FAM83B: variants seen among roughly 807,000 people sequenced by gnomAD.
FAM83B encodes the protein protein FAM83B.
A neutral mutation model predicts 38.8 loss-of-function variants in FAM83B; 26 were observed. The ratio of observed to expected loss-of-function variants is 0.67; its 90% confidence interval spans 0.49 to 0.93. The LOEUF (loss-of-function observed/expected upper bound fraction) is 0.93, where lower values mean the gene tolerates loss of function less well. Ranked by LOEUF, FAM83B falls within the 40% of genes least tolerant of loss-of-function variation. The pLI is 0.00. For synonymous variants in FAM83B, 419 were observed against 423.1 expected (o/e 0.99, Z 0.12); for missense variants, 1,237 against 1,197.3 (o/e 1.03, Z -0.49).
chr6:54,937,094 T>G (rs1270160081), intron 4 of FAM83B, among the ~76,000 whole-genome samples: 2 of 151,626 alleles, frequency 1.3e-5, no homozygotes, highest in African/African-American at 4.8e-5. Flanking sequence ...GCATTTTTAT[T>G]GTCTCCTTTA....
At chr6:54,913,250 A>C (rs1381601625) in intron 2 of FAM83B, among the ~76,000 whole-genome samples, 1 of 152,040 alleles carries the variant, frequency 6.6e-6, no homozygotes, top group African/African-American at 2.4e-5. Context: ...GAGAAATGTG[A>C]AACACCTCAC....
chr6:54,890,954 G>GA lies in FAM83B; in HGVS notation c.444+20275dup, dbSNP rs200718638. Among the ~76,000 whole-genome samples the GA allele has an allele frequency of 5.1e-4, 74 of 145,052 alleles. No homozygotes were observed. The Middle Eastern group carries it at 0.014, about 28-fold the overall frequency. The stretch of plus-strand genomic sequence containing the variant: ...ACTTCTAATTTGCTTTCTTCAGAGA[G>GA]AAAAAAAAAAATAAAGTTGTGATCT... On this transcript the variant is annotated intron_variant, in intron 2 of 4. Coordinates refer to ENST00000306858, the MANE Select transcript of FAM83B (RefSeq NM_001010872.3).
rs1183318257 is a variant in FAM83B, at chr6:54,942,290, A to AT, written c.*288dup. Among the ~76,000 whole-genome samples the AT allele has an allele frequency of 6.6e-6, 1 of 152,204 alleles. No individual in the cohort carries two copies. Among genetic ancestry groups the AT allele is most frequent in the Admixed American group, 6.5e-5 (1 of 15,276 alleles). ...TGAAGATTTTAAGTCTCACTTAGAA[A>AT]TTTTTGTGGACGATGTATGGTGTAT... On this transcript the variant is annotated 3_prime_UTR_variant, in exon 5 of 5. Coordinates refer to ENST00000306858, the MANE Select transcript of FAM83B (RefSeq NM_001010872.3).
At chr6:54,878,472 C>T (rs1470020844) in intron 2 of FAM83B, among the ~76,000 whole-genome samples, 4 of 151,924 alleles carry the variant, frequency 2.6e-5, no homozygotes, top group Non-Finnish European at 4.4e-5. Flanking sequence ...ATAGGGTGCT[C>T]GGAGTAGGCC....
At position 54,941,363 on chromosome 6, in the gene FAM83B, T is replaced by C; in HGVS notation, c.2392T>C (p.Tyr798His). The C allele has an allele frequency of 6.2e-7, 1 of 1,613,580 alleles. No homozygotes were observed. The highest frequency in any genetic ancestry group is 8.5e-7 in the Non-Finnish European group (1 of 1,179,904). ...ATCCAAAAATAAAGCACCTGCCTTT[T>C]ATAGATTGTGTAGTAGCTCTGACAC... ...NLSKNKAPAF[Y>H]RLCSSSDTLV... Residue 798 changes from tyrosine (Y) to histidine (H), a missense_variant, in exon 5 of 5, where the codon TAT (tyrosine) becomes CAT (histidine). Physicochemically the swap from Tyr to His is moderately conservative, Grantham distance 83. Transcript: ENST00000306858.
intron 2 of FAM83B, among the ~76,000 whole-genome samples, chr6:54,871,594 T>TAAG (rs1771855022): frequency 7.4e-6 from 1 of 135,344 alleles, no homozygotes; most frequent in Admixed American, 7.9e-5. Context: ...ATAATAATAA[T>TAAG]AAGCCGGATG....
chr6:54,855,636 T>C (rs1771429883), intron 1 of FAM83B, among the ~76,000 whole-genome samples: 1 of 152,032 alleles, frequency 6.6e-6, no homozygotes, highest in African/African-American at 2.4e-5. Context: ...TTAAATCTTG[T>C]ATGTGGAAGA....
At chr6:54,937,727 C>T (rs1270736973) in intron 4 of FAM83B, among the ~76,000 whole-genome samples, 1 of 152,096 alleles carries the variant, frequency 6.6e-6, no homozygotes, top group Non-Finnish European at 1.5e-5. Flanking sequence ...TACAATTCAG[C>T]AGAAACCAGG....
intron 2 of FAM83B, among the ~76,000 whole-genome samples, chr6:54,904,133 G>C (rs1018113912): frequency 1.3e-5 from 2 of 151,822 alleles, no homozygotes; most frequent in Non-Finnish European, 2.9e-5. Flanking sequence ...TTGCTCAATT[G>C]TTAAGTTATG....
intron 2 of FAM83B, among the ~76,000 whole-genome samples, chr6:54,922,928 A>G (rs1370165024): frequency 6.6e-6 from 1 of 151,928 alleles, no homozygotes; most frequent in African/African-American, 2.4e-5. Flanking sequence ...TCTTTTCAAC[A>G]TTATTCATCT....
chr6:54,928,386 A>T (rs903111909), intron 4 of FAM83B, among the ~76,000 whole-genome samples: 6 of 152,192 alleles, frequency 3.9e-5, no homozygotes, highest in Non-Finnish European at 8.8e-5. Context: ...GGCCTTGAGC[A>T]AATTACTTTA....
intron 2 of FAM83B, among the ~76,000 whole-genome samples, chr6:54,891,234 A>G (rs1360843425): frequency 6.6e-6 from 1 of 151,806 alleles, no homozygotes; most frequent in African/African-American, 2.4e-5. Flanking sequence ...TCCTCTCCTA[A>G]CCTGTGTCTC....
intron 2 of FAM83B, among the ~76,000 whole-genome samples, chr6:54,889,328 C>G (rs1475492237): frequency 6.6e-6 from 1 of 152,038 alleles, no homozygotes; most frequent in Non-Finnish European, 1.5e-5. Flanking sequence ...CCATGTCTTA[C>G]TTTCCCAACA....
intron 2 of FAM83B, among the ~76,000 whole-genome samples, chr6:54,901,841 GACAA>G (rs2127582389): frequency 6.6e-6 from 1 of 152,180 alleles, no homozygotes; most frequent in Admixed American, 6.5e-5. Context: ...TCATTTTTAT[GACAA>G]ACAGCTAATT....
At chr6:54,846,333 G>C (rs1771132266), upstream of FAM83B, among the ~76,000 whole-genome samples, 1 of 152,070 alleles carries the variant, frequency 6.6e-6, no homozygotes, top group Admixed American at 6.5e-5. Flanking sequence ...TCTCCTCCAG[G>C]CATTCTTGAG....
intron 2 of FAM83B, among the ~76,000 whole-genome samples, chr6:54,879,942 T>C (rs531662448): frequency 2.0e-5 from 3 of 152,242 alleles, no homozygotes; most frequent in Non-Finnish European, 4.4e-5. Context: ...TAGAATAGAA[T>C]GTAAATGTAA....
At chr6:54,875,699 AAAG>A (rs1210236608) in intron 2 of FAM83B, among the ~76,000 whole-genome samples, 1 of 141,248 alleles carries the variant, frequency 7.1e-6, no homozygotes, top group East Asian at 2.0e-4. Flanking sequence ...AAGGGAGAGA[AAAG>A]AAGGTGGGGA....
At chr6:54,905,306 T>C (rs1278525702) in intron 2 of FAM83B, among the ~76,000 whole-genome samples, 1 of 152,150 alleles carries the variant, frequency 6.6e-6, no homozygotes, top group Non-Finnish European at 1.5e-5. Context: ...ATCTCCCTAA[T>C]ATGAAGCTCT....
At chr6:54,858,098 G>A (rs138533140) in intron 1 of FAM83B, among the ~76,000 whole-genome samples, 6 of 152,256 alleles carry the variant, frequency 3.9e-5, no homozygotes, top group Admixed American at 1.3e-4. Context: ...AAGACTGGAC[G>A]GGATTATTCT....
Sources: allele counts gnomAD v4.1 joint callset (sites outside exome capture counted in the v4.1 genomes callset), GRCh38; gene constraint gnomAD v4.1.1; transcripts MANE v1.5; gene names NCBI Gene and HGNC (gene_info 2026-07-23, HGNC 2026-07-21).